The following INSL6 variants were observed in gnomAD, a reference collection of about 807,000 sequenced individuals.
INSL6 encodes the protein insulin-like peptide INSL6.
INSL6 carries 16 observed loss-of-function variants against 9.4 expected under a neutral mutation model. That is an observed-to-expected ratio of 1.70 (90% CI 1.15 to 2.59). The LOEUF is 2.59. Ranked by LOEUF, INSL6 falls within the 30% of genes most tolerant of loss-of-function variation. The probability of loss-of-function intolerance (pLI) is 0.00; values close to 1 mark genes in which losing one functional copy is unlikely to be tolerated. For missense variants in INSL6, 391 were observed against 257.3 expected, an observed-to-expected ratio of 1.52 and a Z score of -3.56; for synonymous variants, 154 against 96.9, an observed-to-expected ratio of 1.59 and a Z score of -3.46.
At chr9:5,101,550 G>A in the INSL6 span, among the ~76,000 whole-genome samples, 1 of 152,240 alleles carries the variant, frequency 6.6e-6, no homozygotes, top group African/African-American at 2.4e-5. Context: ...TGGTGTTTGA[G>A]CTCTGACAAT....
At chr9:5,044,306 A>T in the INSL6 span, 1 of 761,778 alleles carries the variant, frequency 1.3e-6, no homozygotes, top group Non-Finnish European at 2.3e-6. Context: ...TAAGTATGGG[A>T]TAATACCTTT....
the INSL6 span, among the ~76,000 whole-genome samples, chr9:5,079,774 G>A: frequency 3.3e-5 from 5 of 152,002 alleles, no homozygotes; most frequent in Admixed American, 1.3e-4. Flanking sequence ...AGCTGCAATC[G>A]TGCCATTGCA....
the INSL6 span, among the ~76,000 whole-genome samples, chr9:5,051,764 A>G: frequency 6.6e-6 from 1 of 152,158 alleles, no homozygotes; most frequent in Non-Finnish European, 1.5e-5. Flanking sequence ...TGTTCTCCCA[A>G]TAACTGGCTT....
the INSL6 span, among the ~76,000 whole-genome samples, chr9:5,049,916 A>G: frequency 6.6e-6 from 1 of 152,224 alleles, no homozygotes; most frequent in African/African-American, 2.4e-5. Flanking sequence ...GTAGTTAAAC[A>G]TATCTAAACA....
the INSL6 span, among the ~76,000 whole-genome samples, chr9:5,019,314 C>G: frequency 2.0e-5 from 3 of 152,032 alleles, no homozygotes; most frequent in African/African-American, 7.2e-5. Context: ...ATTCTTTCTT[C>G]GTAGATGCTC....
At chr9:5,157,753 C>A (rs1352740862) in intron 2 of INSL6, among the ~76,000 whole-genome samples, 1 of 152,072 alleles carries the variant, frequency 6.6e-6, no homozygotes, top group East Asian at 1.9e-4. Context: ...ACTGGGAAGA[C>A]TACAATAAAT....
At chr9:5,184,852 T>G (rs951884017) in intron 1 of INSL6, among the ~76,000 whole-genome samples, 1 of 152,236 alleles carries the variant, frequency 6.6e-6, no homozygotes, top group Non-Finnish European at 1.5e-5. Context: ...TCCTGCTTTT[T>G]TGAACAAGGT....
intron 3 of INSL6, among the ~76,000 whole-genome samples, chr9:5,128,481 T>TATCA (rs553152528): frequency 1.1e-3 from 162 of 152,000 alleles, no homozygotes; most frequent in Non-Finnish European, 2.0e-3. Context: ...AAAAATAGCC[T>TATCA]ATCATACAAT....
chr9:5,111,066 C>A, the INSL6 span: 16 of 1,183,632 alleles, frequency 1.4e-5, no homozygotes, highest in Admixed American at 2.4e-4. Flanking sequence ...GTCTTGAGAA[C>A]TGGCCCAGCT....
At chr9:5,147,841 A>C (rs1381403684) in intron 2 of INSL6, among the ~76,000 whole-genome samples, 1 of 152,160 alleles carries the variant, frequency 6.6e-6, no homozygotes, top group Non-Finnish European at 1.5e-5. Context: ...TTCCATTAAT[A>C]CTTCTGATTG....
rs139964957 is a variant in INSL6, at chr9:5,128,080, T to TTGTG, written c.*11-3573_*11-3570dup. The TTGTG allele has an allele frequency of 5.9e-3, 1,315 of 224,656 alleles. 14 individuals carry two copies. Among genetic ancestry groups the TTGTG allele is most frequent in the African/African-American group, 0.023 (980 of 43,224 alleles). The allele number at this position is 224,656 out of a possible 1,614,324, so 13.9% of individuals were successfully genotyped here. On this transcript the variant is annotated intron_variant, in intron 3 of 3. Coordinates refer to the INSL6 transcript ENST00000649639. ...TAGCTAAAATAAAATATGGTGGGTT[T>TTGTG]TGTGTGTGTGTGTGTGTGTGTGTGT...
the INSL6 span, among the ~76,000 whole-genome samples, chr9:5,087,474 A>ACTGGTAGTTATTTTACT: frequency 5.9e-5 from 9 of 151,538 alleles, no homozygotes; most frequent in Non-Finnish European, 1.2e-4. Context: ...AAACCATATC[A>ACTGGTAGTTATTTTACT]CTCCCTTACT....
chr9:5,093,654 C>T, the INSL6 span, among the ~76,000 whole-genome samples: 1 of 152,082 alleles, frequency 6.6e-6, no homozygotes, highest in South Asian at 2.1e-4. Context: ...TCCGAACAAC[C>T]TAAACTAAGA....
the INSL6 span, among the ~76,000 whole-genome samples, chr9:5,044,046 G>A: frequency 6.6e-6 from 1 of 152,156 alleles, no homozygotes; most frequent in Non-Finnish European, 1.5e-5. Flanking sequence ...CTCCAAATAA[G>A]CAATTATTTG....
the INSL6 span, among the ~76,000 whole-genome samples, chr9:5,093,222 G>C: frequency 6.6e-6 from 1 of 152,072 alleles, no homozygotes; most frequent in Non-Finnish European, 1.5e-5. Context: ...TCCAACACAG[G>C]CATGCTCTAA....
At chr9:5,126,478 T>C (rs766478983) in intron 3 of INSL6, 2 of 1,420,332 alleles carry the variant, frequency 1.4e-6, no homozygotes, top group Admixed American at 1.8e-5. Flanking sequence ...AGGGTAGTCA[T>C]GCATTTTCTT....
the INSL6 span, among the ~76,000 whole-genome samples, chr9:4,992,094 G>A: frequency 1.3e-5 from 2 of 152,172 alleles, no homozygotes; most frequent in Admixed American, 1.3e-4. Context: ...GACATGAGTT[G>A]GGAAGAATTG....
chr9:5,016,189 G>T, the INSL6 span, among the ~76,000 whole-genome samples: 2 of 152,226 alleles, frequency 1.3e-5, no homozygotes, highest in African/African-American at 4.8e-5. Context: ...AGCTTAGGAA[G>T]ATGAGATGAC....
rs575547508 is a variant in INSL6 at position 5,173,481 on chromosome 9, C to T, written c.290-9216G>A. Among the ~76,000 whole-genome samples the T allele has an allele frequency of 1.3e-4, 20 of 152,190 alleles. 1 individual carries two copies. Among genetic ancestry groups the T allele is most frequent in the African/African-American group, 4.3e-4 (18 of 41,506 alleles). On this transcript the variant is annotated intron_variant, in intron 1 of 1. Transcript: ENST00000381641. ...GCAGGGAAATGGATGGAGCTGGAAG[C>T]CATTATCCTCAGCAAACTAAGGCAG...
Sources: gnomAD v4.1 joint callset for allele counts (sites outside exome capture counted in the v4.1 genomes callset) on GRCh38, gnomAD v4.1.1 for gene constraint, MANE v1.5 for transcripts, NCBI Gene and HGNC (gene_info 2026-07-23, HGNC 2026-07-21) for gene names.